CEP120: variants seen among roughly 807,000 people sequenced by gnomAD.
CEP120 encodes the protein centrosomal protein 120, also known as centrosomal protein of 120 kDa.
A neutral mutation model predicts 126.5 loss-of-function variants in CEP120; 113 were observed. That is an observed-to-expected ratio of 0.89 (90% confidence interval 0.77 to 1.04). CEP120 has a LOEUF of 1.04. CEP120 is among the 50% of genes least tolerant of loss of function. The probability of loss-of-function intolerance (pLI) is 0.00; values close to 1 mark genes in which losing one functional copy is unlikely to be tolerated. For synonymous variants in CEP120, 400 were observed against 394.3 expected (o/e 1.01, Z -0.17); for missense variants, 1,230 against 1,155.7 (o/e 1.06, Z -0.93).
intron 18 of CEP120, among the ~76,000 whole-genome samples, chr5:123,351,390 T>C (rs992056390): frequency 1.3e-5 from 2 of 152,212 alleles, no homozygotes; most frequent in Non-Finnish European, 2.9e-5. Flanking sequence ...TGAATGAATA[T>C]ACAATTTATT....
chr5:123,381,071 G>A (rs539151184), intron 14 of CEP120, among the ~76,000 whole-genome samples: 9 of 152,228 alleles, frequency 5.9e-5, no homozygotes, highest in Admixed American at 5.2e-4. Flanking sequence ...TCAAAGGCCT[G>A]TGTACTTCTG....
At chr5:123,349,588 G>A (rs750121908) in intron 19 of CEP120, among the ~76,000 whole-genome samples, 3 of 152,094 alleles carry the variant, frequency 2.0e-5, no homozygotes, top group Non-Finnish European at 2.9e-5. Flanking sequence ...ACTTGCCATA[G>A]CTGTATTCAC....
Position 123,390,044 on chromosome 5 carries a change from T to C in CEP120, c.1135A>G (p.Lys379Glu), listed in dbSNP as rs1211254538. 4.3e-6 allele frequency: 7 copies of C among 1,614,002 alleles called. No individual in the cohort carries two copies. The highest frequency in any genetic ancestry group is 4.0e-5 in the African/African-American group (3 of 74,920). ...GGAACAGGGGACACTGTTGGTGATT[T>C]TGGCCCAGTAAGTGTCTTCTCCTTT... ...PIKEKTLTGP[K>E]SPTVSPVPSH... Residue 379 changes from lysine (K) to glutamate (E), a missense_variant, in exon 8 of 20, where the codon AAA (lysine) becomes GAA (glutamate). Lys to Glu is a moderately conservative substitution (Grantham distance 56). Coordinates refer to ENST00000306467, the MANE Select transcript of CEP120 (RefSeq NM_001375405.1).
chr5:123,364,033 A>C (rs1271761976), intron 18 of CEP120, among the ~76,000 whole-genome samples: 1 of 151,570 alleles, frequency 6.6e-6, no homozygotes, highest in African/African-American at 2.4e-5. Context: ...AACTTCTATC[A>C]AAGTTTTTAA....
Position 123,393,401 on chromosome 5 carries a change from C to A in CEP120, c.709G>T (p.Asp237Tyr). Reference protein sequence around the residue: ...GNDVTNEPFNDLINPNFEPER... With the variant: ...GNDVTNEPFNYLINPNFEPER... ...GGCTCAAAGTTTGGGTTGATTAAAT[C>A]ATTGAAGGGTTCATTTGTAACATCA... is the stretch of plus-strand genomic sequence containing the variant. The change falls in exon 6 of 20, where the codon GAT becomes TAT. Residue 237 changes from aspartate to tyrosine, a missense_variant. Transcript: ENST00000306467. 2 of 1,614,052 alleles carry A rather than the reference C, an allele frequency of 1.2e-6. No individual in the cohort carries two copies. The highest frequency in any genetic ancestry group is 1.1e-5 in the South Asian group (1 of 91,068).
intron 18 of CEP120, 126 bp from the exon 19 acceptor site, chr5:123,350,215 T>A: frequency 1.2e-6 from 1 of 842,982 alleles, no homozygotes. Context: ...GCCAATTCTT[T>A]TTTTTTTTAA....
At chr5:123,360,309 C>G (rs1050561701) in intron 18 of CEP120, among the ~76,000 whole-genome samples, 2 of 151,918 alleles carry the variant, frequency 1.3e-5, no homozygotes, top group African/African-American at 4.8e-5. Flanking sequence ...GGGCAGAGCA[C>G]AATTCACTAT....
At position 123,418,497 on chromosome 5, in the gene CEP120, C is replaced by A. The variant is rs1774511370; in HGVS notation, c.68G>T (p.Arg23Leu). The A allele has an allele frequency of 1.2e-6, 2 of 1,603,514 alleles. No individual in the cohort carries two copies. Among genetic ancestry groups the A allele is most frequent in the Non-Finnish European group, 1.7e-6 (2 of 1,173,800 alleles). The part of the protein sequence containing the change: ...SILEGRHFPK[R>L]PKHMLVVEAK... The stretch of plus-strand genomic sequence containing the variant: ...TTCCACTACAAGCATATGCTTTGGA[C>A]GTTTGGGGAAATGCCGACCTGGAGA... Residue 23 changes from arginine to leucine, a missense_variant, in exon 2 of 20, where the codon CGT becomes CTT. Coordinates refer to ENST00000306467, the MANE Select transcript of CEP120 (RefSeq NM_001375405.1).
chr5:123,346,453 T>G lies in CEP120; in HGVS notation c.*66A>C. On this transcript the variant is annotated 3_prime_UTR_variant, in exon 20 of 20. Coordinates refer to ENST00000306467, the MANE Select transcript of CEP120 (RefSeq NM_001375405.1). The stretch of plus-strand genomic sequence containing the variant: ...TTTTAAAACATCCATTTTCCTCACT[T>G]TTGAGGTTTTTACAAAGAAATTAAA... 6.6e-6 allele frequency: 8 copies of G among 1,205,024 alleles called. No individual in the cohort carries two copies. Among genetic ancestry groups the G allele is most frequent in the Non-Finnish European group, 9.4e-6 (8 of 855,136 alleles). 74.6% of individuals were successfully genotyped at this position (1,205,024 alleles called of 1,614,324 possible).
At chr5:123,405,559 G>A (rs1429151118) in intron 4 of CEP120, among the ~76,000 whole-genome samples, 2 of 152,126 alleles carry the variant, frequency 1.3e-5, no homozygotes, top group African/African-American at 4.8e-5. Context: ...GGTCTTCCAT[G>A]CAAGGGAAGG....
intron 4 of CEP120, among the ~76,000 whole-genome samples, chr5:123,406,611 A>T (rs1047528858): frequency 1.3e-5 from 2 of 150,150 alleles, no homozygotes; most frequent in Admixed American, 6.6e-5. Context: ...CCACCACCCT[A>T]GAATTCTGTG....
intron 16 of CEP120, among the ~76,000 whole-genome samples, chr5:123,375,317 C>A (rs1562026689): frequency 6.7e-6 from 1 of 149,816 alleles, no homozygotes; most frequent in African/African-American, 2.5e-5. Flanking sequence ...CAACACCATA[C>A]ACAAGTCTTT....
At chr5:123,394,950 A>T (rs1317560455) in intron 5 of CEP120, among the ~76,000 whole-genome samples, 1 of 152,242 alleles carries the variant, frequency 6.6e-6, no homozygotes, top group Non-Finnish European at 1.5e-5. Context: ...ATTAAAAGAG[A>T]TACATAGTCG....
At chr5:123,369,685 C>CA (rs1227176384) in intron 17 of CEP120, among the ~76,000 whole-genome samples, 225 of 152,132 alleles carry the variant, frequency 1.5e-3, no homozygotes, top group African/African-American at 5.3e-3. Flanking sequence ...TGTTAGTTAC[C>CA]CTCCTCAAAG....
At chr5:123,393,631 C>G in intron 5 of CEP120, 134 bp from the exon 6 acceptor site, 1 of 706,220 alleles carries the variant, frequency 1.4e-6, no homozygotes. Context: ...AATAAAATTT[C>G]TGAATTTCTG....
At chr5:123,415,668 G>T (rs1402114351) in intron 3 of CEP120, among the ~76,000 whole-genome samples, 1 of 152,080 alleles carries the variant, frequency 6.6e-6, no homozygotes, top group Non-Finnish European at 1.5e-5. Flanking sequence ...GAGGTGAGGA[G>T]TTTGAAACCA....
intron 4 of CEP120, among the ~76,000 whole-genome samples, chr5:123,405,032 A>G (rs1773547124): frequency 1.3e-5 from 2 of 152,250 alleles, no homozygotes; most frequent in Non-Finnish European, 2.9e-5. Context: ...GAGCTTAGAA[A>G]TCTTCAGTTA....
intron 9 of CEP120, among the ~76,000 whole-genome samples, chr5:123,387,219 A>T: frequency 6.6e-6 from 1 of 152,164 alleles, no homozygotes; most frequent in Middle Eastern, 3.2e-3. Flanking sequence ...TGTTCATTTA[A>T]ATTTAATCCT....
chr5:123,392,229 CT>C lies in CEP120; in HGVS notation c.811-893del, dbSNP rs560291168. On this transcript the variant is annotated intron_variant, in intron 6 of 19. Transcript: ENST00000306467. ...TCCATTAGAAACTAATAAATCAATA[CT>C]TTTGGTAAGGACTGATATGTTAGAT... 1.4e-4 allele frequency among the ~76,000 whole-genome samples: 22 copies of C among 152,200 alleles called. No individual in the cohort carries two copies. The South Asian group carries it at 4.6e-3, about 32-fold the overall frequency.
Sources: allele counts gnomAD v4.1 joint callset (sites outside exome capture counted in the v4.1 genomes callset), GRCh38; gene constraint gnomAD v4.1.1; transcripts MANE v1.5; gene names NCBI Gene and HGNC (gene_info 2026-07-23, HGNC 2026-07-21).